ANKRD18A: variants seen among roughly 807,000 people sequenced by gnomAD.
ANKRD18A encodes the protein ankyrin repeat domain-containing protein 18A.
A neutral mutation model predicts 110.6 loss-of-function variants in ANKRD18A; 72 were observed. The observed-to-expected ratio is 0.65, with a 90% CI of 0.54 to 0.79. The LOEUF (loss-of-function observed/expected upper bound fraction) is 0.79. Among genes scored for constraint, ANKRD18A ranks in the 30% least tolerant of loss-of-function variants. The pLI is 0.00. For synonymous variants in ANKRD18A, 305 were observed against 410.3 expected (o/e 0.74, Z 3.10); for missense variants, 934 against 1,163.3 (o/e 0.80, Z 2.87).
intron 5 of ANKRD18A, among the ~76,000 whole-genome samples, chr9:38,609,969 A>T (rs1825536736): frequency 6.6e-6 from 1 of 151,990 alleles, no homozygotes; most frequent in Non-Finnish European, 1.5e-5. Context: ...GAAGAAAGAA[A>T]GAAAAAGTAA....
chr9:38,601,728 C>A (rs1189148218), intron 7 of ANKRD18A, among the ~76,000 whole-genome samples: 1 of 152,104 alleles, frequency 6.6e-6, no homozygotes, highest in East Asian at 1.9e-4. Flanking sequence ...ACGTAGCTCA[C>A]ACCTGTAATC....
intron 15 of ANKRD18A, 38 bp downstream of exon 15, chr9:38,575,438 G>T: frequency 2.7e-6 from 4 of 1,504,948 alleles, no homozygotes; most frequent in Non-Finnish European, 3.6e-6. Context: ...TTATATTAGA[G>T]AAATGAAACC....
intron 1 of ANKRD18A, among the ~76,000 whole-genome samples, chr9:38,616,503 A>C (rs1825859824): frequency 6.6e-6 from 1 of 152,142 alleles, no homozygotes; most frequent in African/African-American, 2.4e-5. Flanking sequence ...CCCAGGCTGG[A>C]GTGCAATGGT....
At position 38,615,925 on chromosome 9, in the gene ANKRD18A, T is replaced by C. The variant is rs776830898; in HGVS notation, c.321+5A>G. The stretch of plus-strand genomic sequence containing the variant: ...TTCATGCTGAAAGAGTTGGCTACTA[T>C]ATACCTTCATTAAAGGTGTCCTGTT... On this transcript the variant is annotated splice_donor_5th_base_variant and intron_variant, in intron 2 of 15. Coordinates refer to ENST00000399703, the MANE Select transcript of ANKRD18A (RefSeq NM_147195.4). The C allele has an allele frequency of 6.4e-5, 99 of 1,556,884 alleles. No individual in the cohort carries two copies. Among genetic ancestry groups the C allele is most frequent in the Non-Finnish European group, 7.9e-5 (91 of 1,150,760 alleles).
intron 2 of ANKRD18A, 73 bp downstream of exon 2, chr9:38,615,857 G>A (rs1294636894): frequency 3.3e-6 from 5 of 1,525,124 alleles, no homozygotes; most frequent in African/African-American, 1.4e-5. Context: ...ATATTTAAAT[G>A]AGACAAATTC....
At position 38,612,514 on chromosome 9, in the gene ANKRD18A, T is replaced by C. The variant is rs1825666368; in HGVS notation, c.496-1193A>G. ...AGCCAATAAGTCACTTGCATTTTTT[T>C]CTTTTTCTTTTTTTTTTTTTGGAAA... On this transcript the variant is annotated intron_variant, in intron 3 of 15. Transcript: ENST00000399703. Among the ~76,000 whole-genome samples the C allele has an allele frequency of 2.5e-5, 3 of 121,948 alleles. No homozygotes were observed. The South Asian group carries it at 7.0e-4, about 28-fold the overall frequency. The allele number at this position is 121,948 out of a possible 152,430, so 80.0% of individuals were successfully genotyped here.
intron 5 of ANKRD18A, among the ~76,000 whole-genome samples, chr9:38,609,484 AAAAACAAAAC>A (rs527291218): frequency 1.2e-4 from 19 of 152,046 alleles, no homozygotes; most frequent in Non-Finnish European, 1.9e-4. Context: ...CCGTCTCGAA[AAAAACAAAAC>A]AAAACAAAAC....
chr9:38,588,900 G>C (rs2118735203), intron 10 of ANKRD18A, among the ~76,000 whole-genome samples: 1 of 152,260 alleles, frequency 6.6e-6, no homozygotes, highest in Non-Finnish European at 1.5e-5. Context: ...AAAAATGTTT[G>C]TTAAAAATGA....
chr9:38,587,223 G>A (rs1293461280), intron 11 of ANKRD18A, among the ~76,000 whole-genome samples: 2 of 152,172 alleles, frequency 1.3e-5, no homozygotes, highest in African/African-American at 2.4e-5. Flanking sequence ...GAGATCTAGA[G>A]ATCTTTACTG....
intron 12 of ANKRD18A, among the ~76,000 whole-genome samples, chr9:38,582,329 G>T (rs1824201334): frequency 6.6e-6 from 1 of 152,142 alleles, no homozygotes; most frequent in Non-Finnish European, 1.5e-5. Flanking sequence ...TTGCCATCAT[G>T]TCTTAGAGTA....
At chr9:38,582,861 T>A (rs1443226338) in intron 12 of ANKRD18A, among the ~76,000 whole-genome samples, 1 of 152,170 alleles carries the variant, frequency 6.6e-6, no homozygotes, top group Non-Finnish European at 1.5e-5. Context: ...GAAGACAGTA[T>A]CAAGAAGTGA....
chr9:38,568,850 C>T, downstream of ANKRD18A: 2 of 985,404 alleles, frequency 2.0e-6, no homozygotes, highest in Non-Finnish European at 2.4e-6. Context: ...CCCAACTGGG[C>T]CAGGACCCTT....
chr9:38,577,178 A>G lies in ANKRD18A; in HGVS notation c.2616T>C (p.Asp872=), dbSNP rs1266339658. 3 of 1,548,620 alleles carry G rather than the reference A, an allele frequency of 1.9e-6. No individual in the cohort carries two copies. Among genetic ancestry groups the G allele is most frequent in the South Asian group, 1.2e-5 (1 of 83,646 alleles). The change falls in exon 14 of 16, where the codon GAT becomes GAC. Residue 872 remains aspartate (D), a synonymous_variant. Transcript: ENST00000399703. Reference sequence around the variant, plus strand: ...TCATTTTGGAGAATTTACATTCCACATCTTTAAGTGTGAGTTCCTTCTTTT... The same window carrying G: ...TCATTTTGGAGAATTTACATTCCACGTCTTTAAGTGTGAGTTCCTTCTTTT... ...SLKKKELTLK[D]VECKFSKMKT...
rs1826041646 is a variant in ANKRD18A at position 38,620,373 on chromosome 9, CG to C, written c.-89del. On this transcript the variant is annotated 5_prime_UTR_variant, in exon 1 of 16. In the 5' UTR this introduces an upstream ATG that the reference lacks. Transcript: ENST00000399703. ...CCACCCCCACTCCGCCCCAAATCCG[CG>C]ATCTCCCCCGCAACCCGCGATCCCC... 1.4e-6 allele frequency: 1 copy of C among 711,162 alleles called. No homozygotes were observed. Among genetic ancestry groups the C allele is most frequent in the Non-Finnish European group, 1.9e-6 (1 of 527,256 alleles). 44.1% of individuals were successfully genotyped at this position (711,162 alleles called of 1,614,324 possible).
intron 12 of ANKRD18A, among the ~76,000 whole-genome samples, chr9:38,578,351 C>T (rs1443254337): frequency 2.0e-5 from 3 of 152,216 alleles, no homozygotes; most frequent in Non-Finnish European, 2.9e-5. Context: ...ATGTGCTTTA[C>T]TGTCATCATC....
intron 7 of ANKRD18A, 134 bp downstream of exon 7, chr9:38,603,025 G>A (rs1825191487): frequency 7.7e-7 from 1 of 1,293,576 alleles, no homozygotes; most frequent in African/African-American, 1.5e-5. Flanking sequence ...ATCATGGATG[G>A]GTGAAAACCT....
At chr9:38,610,431 C>T (rs751195575) in intron 4 of ANKRD18A, 21 bp from the exon 5 acceptor site, 3 of 1,530,560 alleles carry the variant, frequency 2.0e-6, no homozygotes, top group Non-Finnish European at 2.6e-6. Flanking sequence ...AAAGAAATAA[C>T]AGCACTCAAG....
chr9:38,608,817 C>G (rs868604605), intron 5 of ANKRD18A, among the ~76,000 whole-genome samples: 26 of 151,206 alleles, frequency 1.7e-4, no homozygotes, highest in African/African-American at 6.1e-4. Context: ...GGGGCCAACT[C>G]CAAGTTGGTC....
chr9:38,577,008 T>C (rs1823922236), intron 14 of ANKRD18A, 45 bp downstream of exon 14: 2 of 1,513,730 alleles, frequency 1.3e-6, no homozygotes, highest in African/African-American at 2.8e-5. Flanking sequence ...TTAAGACAAA[T>C]TAATGAGCTG....
Sources: allele counts gnomAD v4.1 joint callset (sites outside exome capture counted in the v4.1 genomes callset), GRCh38; gene constraint gnomAD v4.1.1; transcripts MANE v1.5; gene names NCBI Gene and HGNC (gene_info 2026-07-23, HGNC 2026-07-21).